IGF1R: variants seen among roughly 807,000 people sequenced by gnomAD.
IGF1R encodes insulin-like growth factor 1 receptor.
A neutral mutation model predicts 144.6 loss-of-function variants in IGF1R; 44 were observed. The ratio of observed to expected loss-of-function variants is 0.30; its 90% CI spans 0.24 to 0.39. The LOEUF (loss-of-function observed/expected upper bound fraction) is 0.39, where lower values mean the gene tolerates loss of function less well. Among genes scored for constraint, IGF1R ranks in the 10% least tolerant of loss-of-function variants. IGF1R has a pLI of 1.00. For missense variants in IGF1R, 1,355 were observed against 1,833.7 expected (o/e 0.74, Z 4.77); for synonymous variants, 795 against 722.8 (o/e 1.10, Z -1.60).
Position 98,891,353 on chromosome 15 carries a change from G to T in IGF1R, c.669G>T (p.Ala223=). The T allele has an allele frequency of 1.2e-6, 2 of 1,607,786 alleles. No homozygotes were observed. Among genetic ancestry groups the T allele is most frequent in the Non-Finnish European group, 1.7e-6 (2 of 1,179,942 alleles). ...KMCPSTCGKR[A]CTENNECCHP... Reference sequence around the variant, plus strand: ...GCCCAAGCACGTGTGGGAAGCGGGCGTGCACCGAGAACAATGAGTGCTGCC... The same window carrying T: ...GCCCAAGCACGTGTGGGAAGCGGGCTTGCACCGAGAACAATGAGTGCTGCC... The change falls in exon 3 of 21, where the codon GCG becomes GCT. Residue 223 remains alanine (A), a synonymous_variant. Transcript: ENST00000650285. This position sits in a 1 kb window ranked among gnomAD's most constrained non-coding sequence, Gnocchi z 4.7.
chr15:98,806,541 G>T (rs564618870), intron 2 of IGF1R, among the ~76,000 whole-genome samples: 1 of 151,818 alleles, frequency 6.6e-6, no homozygotes, highest in East Asian at 1.9e-4. Context: ...TCTCTCATTG[G>T]TATTTGTGGG....
intron 2 of IGF1R, among the ~76,000 whole-genome samples, chr15:98,855,368 G>A (rs1320398037): frequency 1.3e-5 from 2 of 152,210 alleles, no homozygotes; most frequent in East Asian, 3.9e-4. Flanking sequence ...TTCCTTGAGG[G>A]AGTTATGAGG....
At chr15:98,904,049 ATTT>A (rs35759630) in intron 5 of IGF1R, among the ~76,000 whole-genome samples, 83 of 103,754 alleles carry the variant, frequency 8.0e-4, no homozygotes, top group African/African-American at 2.7e-3. Context: ...TGATGGGTGA[ATTT>A]TTTTTTTTTT....
At chr15:98,875,588 A>T (rs1200136636) in intron 2 of IGF1R, among the ~76,000 whole-genome samples, 1 of 151,656 alleles carries the variant, frequency 6.6e-6, no homozygotes, top group Non-Finnish European at 1.5e-5. Context: ...CAGACCAAGG[A>T]TGGAATGAAA....
At chr15:98,656,819 A>G (rs528604231) in intron 1 of IGF1R, among the ~76,000 whole-genome samples, 119 of 152,290 alleles carry the variant, frequency 7.8e-4, no homozygotes, top group South Asian at 1.0e-3. Flanking sequence ...CCATCGTCCA[A>G]ATTCTGCGAG....
intron 2 of IGF1R, among the ~76,000 whole-genome samples, chr15:98,851,938 G>T (rs571557263): frequency 6.6e-6 from 1 of 152,334 alleles, no homozygotes; most frequent in South Asian, 2.1e-4. Context: ...TGATTCACCC[G>T]TGTGCCCTTA....
At chr15:98,731,530 T>C (rs997251626) in intron 2 of IGF1R, among the ~76,000 whole-genome samples, 9 of 152,334 alleles carry the variant, frequency 5.9e-5, no homozygotes, top group Admixed American at 5.2e-4. Context: ...CTCTTACTTA[T>C]CTGTGTATCG....
At chr15:98,763,215 A>G (rs2055351268) in intron 2 of IGF1R, among the ~76,000 whole-genome samples, 1 of 152,186 alleles carries the variant, frequency 6.6e-6, no homozygotes, top group Admixed American at 6.5e-5. Context: ...ATAAGCTCTT[A>G]TTTCATGTTG....
intron 2 of IGF1R, among the ~76,000 whole-genome samples, chr15:98,839,135 C>T (rs929927576): frequency 1.3e-5 from 2 of 152,246 alleles, no homozygotes; most frequent in Admixed American, 1.3e-4. Flanking sequence ...AGCTGACACT[C>T]ATTCAGCCCT....
chr15:98,663,262 C>T (rs1334449292), intron 1 of IGF1R, among the ~76,000 whole-genome samples: 6 of 152,132 alleles, frequency 3.9e-5, no homozygotes, highest in Admixed American at 1.3e-4. Context: ...AGGCAGGACC[C>T]GCAAAACAGG....
intron 2 of IGF1R, among the ~76,000 whole-genome samples, chr15:98,719,020 A>G (rs191200216): frequency 1.3e-5 from 2 of 152,284 alleles, no homozygotes; most frequent in Non-Finnish European, 2.9e-5. Flanking sequence ...TGCTAAGTAG[A>G]TGATATTATT....
intron 4 of IGF1R, 36 bp downstream of exon 4, chr15:98,896,941 C>G (rs774104378): frequency 1.2e-6 from 2 of 1,608,332 alleles, no homozygotes; most frequent in African/African-American, 1.3e-5. Context: ...ACGGCTAGAT[C>G]TCATGGTTTT....
chr15:98,656,553 A>G (rs1221110271), intron 1 of IGF1R, among the ~76,000 whole-genome samples: 1 of 152,176 alleles, frequency 6.6e-6, no homozygotes, highest in Non-Finnish European at 1.5e-5. Flanking sequence ...CATCACACAC[A>G]CAAAATACAT....
rs1352502155 is a variant in IGF1R, at chr15:98,911,365, A to G, written c.1513A>G (p.Ile505Val). 7 of 1,614,146 alleles carry G rather than the reference A, an allele frequency of 4.3e-6. No individual in the cohort carries two copies. The highest frequency in any genetic ancestry group is 2.2e-5 in the East Asian group (1 of 44,870). ...FTSTTTSKNRIIITWHRYRPP... is the reference protein window; with the variant it reads ...FTSTTTSKNRVIITWHRYRPP... The stretch of plus-strand genomic sequence containing the variant: ...CTCCACCACCACGTCGAAGAATCGC[A>G]TCATCATAACCTGGCACCGGTACCG... Residue 505 changes from isoleucine to valine, a missense_variant, in exon 7 of 21, where the codon ATC becomes GTC. Coordinates refer to ENST00000650285, the MANE Select transcript of IGF1R (RefSeq NM_000875.5).
intron 1 of IGF1R, among the ~76,000 whole-genome samples, chr15:98,665,752 CAGG>C (rs1284749487): frequency 6.6e-6 from 1 of 152,220 alleles, no homozygotes; most frequent in Non-Finnish European, 1.5e-5. Context: ...GCTGCCAGAA[CAGG>C]AGAAGGCTTC....
rs780195678 is a variant in IGF1R, at chr15:98,891,586, G to A, written c.902G>A (p.Gly301Asp). Residue 301 changes from glycine (G) to aspartate (D), a missense_variant, in exon 3 of 21, where the codon GGC becomes GAC. Transcript: ENST00000650285. The surrounding 1 kb of genome is among the most constrained non-coding windows in gnomAD (Gnocchi z 4.7). The part of the protein sequence containing the change: ...SDSEGFVIHD[G>D]ECMQECPSGF... ...TCCGAGGGGTTTGTGATCCACGACG[G>A]CGAGTGCATGCAGGAGTGCCCCTCG... 1 of 1,604,978 alleles carries A rather than the reference G, an allele frequency of 6.2e-7. No individual in the cohort carries two copies. The highest frequency in any genetic ancestry group is 1.3e-5 in the African/African-American group (1 of 75,058).
At chr15:98,952,145 G>A (rs540440275) in intron 20 of IGF1R, among the ~76,000 whole-genome samples, 5 of 152,214 alleles carry the variant, frequency 3.3e-5, no homozygotes, top group East Asian at 1.9e-4. Context: ...AAGGCACGAC[G>A]TCCTTTCTGA....
chr15:98,881,796 G>A (rs943995767), intron 2 of IGF1R, among the ~76,000 whole-genome samples: 1 of 152,188 alleles, frequency 6.6e-6, no homozygotes, highest in East Asian at 1.9e-4. Flanking sequence ...TGAGGATAAT[G>A]ATACTGCCCC....
intron 2 of IGF1R, among the ~76,000 whole-genome samples, chr15:98,884,132 G>T (rs2013519910): frequency 6.6e-6 from 1 of 152,194 alleles, no homozygotes; most frequent in South Asian, 2.1e-4. Flanking sequence ...TCCACTGGGG[G>T]GCTGCTAGGC....
Sources: allele counts gnomAD v4.1 joint callset (sites outside exome capture counted in the v4.1 genomes callset), GRCh38; gene constraint gnomAD v4.1.1; non-coding constraint Gnocchi (gnomAD v3.1); transcripts MANE v1.5; gene names NCBI Gene and HGNC (gene_info 2026-07-23, HGNC 2026-07-21).